TRAM1: variants seen among roughly 807,000 people sequenced by gnomAD.
TRAM1 encodes translocating chain-associated membrane protein 1.
Under a neutral mutation model 48.7 loss-of-function variants are expected in TRAM1, and 17 were observed. The ratio of observed to expected loss-of-function variants is 0.35; its 90% confidence interval spans 0.24 to 0.52. The LOEUF (loss-of-function observed/expected upper bound fraction) is 0.52. Among genes scored for constraint, TRAM1 ranks in the 20% least tolerant of loss-of-function variants. The pLI is 0.94. For missense variants in TRAM1, 351 were observed against 441.5 expected (o/e 0.79, Z 1.84); for synonymous variants, 182 against 154.0 (o/e 1.18, Z -1.34).
At chr8:70,588,831 G>A (rs115323251) in intron 6 of TRAM1, among the ~76,000 whole-genome samples, 2,016 of 152,208 alleles carry the variant, frequency 0.013, 50 homozygotes, top group African/African-American at 0.046. Context: ...AGTTTTCTTC[G>A]TATGTATATT....
chr8:70,590,998 C>T (rs1017822450), intron 6 of TRAM1, among the ~76,000 whole-genome samples: 15 of 140,284 alleles, frequency 1.1e-4, no homozygotes, highest in South Asian at 8.8e-4. Flanking sequence ...ATAACAACAA[C>T]AATAATAATA....
intron 6 of TRAM1, among the ~76,000 whole-genome samples, chr8:70,588,445 C>T (rs774497674): frequency 5.9e-5 from 9 of 152,024 alleles, no homozygotes; most frequent in Non-Finnish European, 1.3e-4. Context: ...TAAAAATTAG[C>T]CAGGCATGGT....
At position 70,583,726 on chromosome 8, in the gene TRAM1, C is replaced by T. The variant is rs1324118930; in HGVS notation, c.814G>A (p.Val272Ile). The change falls in exon 9 of 11, where the codon GTT becomes ATT. Residue 272 changes from valine (V) to isoleucine (I), a missense_variant. Transcript: ENST00000262213. The stretch of plus-strand genomic sequence containing the variant: ...TCTGCTCTTGCAAGGCCAAAACCAA[C>T]AGTCAGTACTGAAAGAATTAAAGTC... The part of the protein sequence containing the change: ...LLTLILSVLT[V>I]GFGLARAENQ... 4.3e-6 allele frequency: 7 copies of T among 1,611,928 alleles called. No individual in the cohort carries two copies. The highest frequency in any genetic ancestry group is 1.3e-5 in the African/African-American group (1 of 74,730).
In TRAM1 at chr8:70,604,654, A is replaced by G. The variant is rs75542232; in HGVS notation, c.123+3423T>C. On this transcript the variant is annotated intron_variant, in intron 1 of 10. Coordinates refer to ENST00000262213, the MANE Select transcript of TRAM1 (RefSeq NM_014294.6). ...TGTCATAAAAAGAAAGAAAAAAAGG[A>G]AAGAAAAAAAAAACCCAAACCTTGA... Among the ~76,000 whole-genome samples the G allele has an allele frequency of 2.8e-4, 43 of 152,236 alleles. No individual in the cohort carries two copies. In the East Asian group the frequency reaches 8.3e-3, roughly 29 times the overall value.
intron 8 of TRAM1, 74 bp downstream of exon 8, chr8:70,586,821 C>T (rs1043840714): frequency 3.2e-6 from 4 of 1,253,382 alleles, no homozygotes; most frequent in Non-Finnish European, 4.6e-6. Context: ...TGGCCTAAAG[C>T]ATGGATCTTG....
At chr8:70,576,577 T>A (rs1036379523) in intron 10 of TRAM1, among the ~76,000 whole-genome samples, 1 of 152,256 alleles carries the variant, frequency 6.6e-6, no homozygotes, top group African/African-American at 2.4e-5. Context: ...GTATTATCTT[T>A]TTTTTCTTCT....
intron 1 of TRAM1, chr8:70,607,229 T>C: frequency 1.0e-6 from 1 of 985,276 alleles, no homozygotes; most frequent in Non-Finnish European, 1.2e-6. Flanking sequence ...AGCTGTTAAA[T>C]AAGTCATCAA....
chr8:70,599,975 T>C (rs1563390186), intron 2 of TRAM1, 44 bp downstream of exon 2: 1 of 1,534,698 alleles, frequency 6.5e-7, no homozygotes, highest in Admixed American at 1.7e-5. Context: ...TTTGTTCAAC[T>C]GAACTTCTAT....
intron 9 of TRAM1, 50 bp downstream of exon 9, chr8:70,583,600 T>C (rs370765881): frequency 9.5e-6 from 15 of 1,574,526 alleles, no homozygotes; most frequent in Non-Finnish European, 1.3e-5. Context: ...AAACTGATAA[T>C]ATATATTATC....
intron 6 of TRAM1, among the ~76,000 whole-genome samples, chr8:70,591,007 T>A (rs2380658): frequency 0.092 from 11,950 of 129,242 alleles, 515 homozygotes; most frequent in African/African-American, 0.11. Flanking sequence ...ACAATAATAA[T>A]AAAAAAAAAA....
intron 1 of TRAM1, chr8:70,607,869 G>A: frequency 2.0e-6 from 1 of 500,692 alleles, no homozygotes; most frequent in Non-Finnish European, 3.2e-6. Flanking sequence ...AGGCCCACCG[G>A]GACTTTGCAT....
At chr8:70,582,542 C>A (rs1817103302) in intron 10 of TRAM1, among the ~76,000 whole-genome samples, 1 of 147,624 alleles carries the variant, frequency 6.8e-6, no homozygotes. Flanking sequence ...AAAGGCAGGG[C>A]TGGAGGATGT....
At chr8:70,578,886 T>C (rs921076077) in intron 10 of TRAM1, among the ~76,000 whole-genome samples, 4 of 152,240 alleles carry the variant, frequency 2.6e-5, no homozygotes, top group Non-Finnish European at 4.4e-5. Context: ...TGATGTACAA[T>C]GGTCTCCCCT....
intron 1 of TRAM1, 57 bp from the exon 2 acceptor site, chr8:70,600,139 G>T: frequency 7.1e-7 from 1 of 1,412,210 alleles, no homozygotes; most frequent in South Asian, 1.2e-5. Flanking sequence ...CCAAATAACA[G>T]ATCGGGGCAA....
At chr8:70,596,366 C>T (rs374481406) in intron 4 of TRAM1, 45 bp from the exon 5 acceptor site, 3 of 1,443,090 alleles carry the variant, frequency 2.1e-6, no homozygotes, top group Non-Finnish European at 2.8e-6. Flanking sequence ...ATAATGCAAA[C>T]TTCTTGGAAA....
chr8:70,577,716 AAGAG>A (rs1267342887), intron 10 of TRAM1, among the ~76,000 whole-genome samples: 3 of 152,230 alleles, frequency 2.0e-5, no homozygotes, highest in Non-Finnish European at 4.4e-5. Flanking sequence ...GATGACAAGA[AAGAG>A]AGAAGAGCTG....
intron 8 of TRAM1, among the ~76,000 whole-genome samples, chr8:70,584,098 A>C (rs1336512400): frequency 6.6e-6 from 1 of 152,242 alleles, no homozygotes; most frequent in Non-Finnish European, 1.5e-5. Context: ...TTCTGCAAAA[A>C]AGAATTTTGA....
rs765737510 is a variant in TRAM1, at chr8:70,599,947, T to C, written c.187+72A>G. 5.3e-6 allele frequency: 6 copies of C among 1,137,202 alleles called. No individual in the cohort carries two copies. In the African/African-American group the frequency reaches 9.2e-5, roughly 17 times the overall value. 70.4% of individuals were successfully genotyped at this position (1,137,202 alleles called of 1,614,324 possible). On this transcript the variant is annotated intron_variant, in intron 2 of 10. Coordinates refer to ENST00000262213, the MANE Select transcript of TRAM1 (RefSeq NM_014294.6). ...CGATTAATTAACGCAGGACCTAGCA[T>C]TCATGAAAATTTCCAAGTTTGTTCA...
rs774610140 is a variant in TRAM1 at position 70,591,582 on chromosome 8, T to TA, written c.570+2923dup. On this transcript the variant is annotated intron_variant, in intron 6 of 10. Coordinates refer to ENST00000262213, the MANE Select transcript of TRAM1 (RefSeq NM_014294.6). ...AGTTGTTATTCCAACATCTGTTTAT[T>TA]AAAAAATATAACATACTTCAAAAAA... Among the ~76,000 whole-genome samples, 201 of 152,258 alleles carry TA rather than the reference T, an allele frequency of 1.3e-3. 1 individual carries two copies. The highest frequency in any genetic ancestry group is 2.2e-3 in the Non-Finnish European group (153 of 68,016).
Sources: allele counts gnomAD v4.1 joint callset (sites outside exome capture counted in the v4.1 genomes callset), GRCh38; gene constraint gnomAD v4.1.1; transcripts MANE v1.5; gene names NCBI Gene and HGNC (gene_info 2026-07-23, HGNC 2026-07-21).